GALNTL6: variants seen among roughly 807,000 people sequenced by gnomAD.
GALNTL6 encodes the protein polypeptide N-acetylgalactosaminyltransferase-like 6.
Under a neutral mutation model 73.7 loss-of-function variants are expected in GALNTL6, and 46 were observed. The observed-to-expected ratio is 0.62, with a 90% confidence interval of 0.49 to 0.80. GALNTL6 has a LOEUF of 0.80. Ranked by LOEUF, GALNTL6 falls within the 30% of genes least tolerant of loss-of-function variation. The probability of loss-of-function intolerance (pLI) is 0.00; values close to 1 mark genes in which losing one functional copy is unlikely to be tolerated. For synonymous variants in GALNTL6, 259 were observed against 263.7 expected (o/e 0.98, Z 0.17); for missense variants, 604 against 755.0 (o/e 0.80, Z 2.34).
At chr4:172,854,864 T>C (rs1484714038) in intron 7 of GALNTL6, among the ~76,000 whole-genome samples, 1 of 152,242 alleles carries the variant, frequency 6.6e-6, no homozygotes, top group African/African-American at 2.4e-5. Flanking sequence ...ATCATGTTTT[T>C]CTTTTGTACC....
chr4:172,923,346 A>ATAAGACT (rs1309640928), intron 8 of GALNTL6, among the ~76,000 whole-genome samples: 1 of 152,104 alleles, frequency 6.6e-6, no homozygotes, highest in Non-Finnish European at 1.5e-5. Flanking sequence ...GTCAGCTCTC[A>ATAAGACT]TAAGACTTAT....
intron 2 of GALNTL6, among the ~76,000 whole-genome samples, chr4:171,856,482 C>T (rs1329473403): frequency 6.6e-6 from 1 of 152,098 alleles, no homozygotes; most frequent in Non-Finnish European, 1.5e-5. Context: ...GGTGTCGTAT[C>T]TAAAAAATCA....
intron 2 of GALNTL6, among the ~76,000 whole-genome samples, chr4:171,915,738 CAAGT>C (rs1157068796): frequency 6.6e-6 from 1 of 152,050 alleles, no homozygotes; most frequent in Non-Finnish European, 1.5e-5. Context: ...AAAAAAGTAA[CAAGT>C]AAATTATTTT....
intron 5 of GALNTL6, among the ~76,000 whole-genome samples, chr4:172,660,384 G>C (rs767069968): frequency 9.2e-5 from 14 of 152,180 alleles, no homozygotes; most frequent in Non-Finnish European, 1.0e-4. Flanking sequence ...GGGGCAAAAG[G>C]CATCAACTTT....
chr4:172,299,632 G>A (rs1469522803), intron 3 of GALNTL6, among the ~76,000 whole-genome samples: 5 of 152,250 alleles, frequency 3.3e-5, no homozygotes, highest in African/African-American at 7.2e-5. Context: ...TGTACCCAGT[G>A]GTCATTCAGG....
chr4:171,883,769 T>C (rs1479810033), intron 2 of GALNTL6, among the ~76,000 whole-genome samples: 2 of 151,830 alleles, frequency 1.3e-5, no homozygotes, highest in Non-Finnish European at 2.9e-5. Flanking sequence ...TGCCTCAGCC[T>C]CCCGAGTAGC....
chr4:172,062,832 A>C (rs1212738247), intron 2 of GALNTL6, among the ~76,000 whole-genome samples: 1 of 152,186 alleles, frequency 6.6e-6, no homozygotes, highest in Non-Finnish European at 1.5e-5. Context: ...TATCAGAGAG[A>C]CTATGAGTAA....
At chr4:172,806,968 A>C (rs887222835) in intron 5 of GALNTL6, among the ~76,000 whole-genome samples, 4 of 152,352 alleles carry the variant, frequency 2.6e-5, no homozygotes, top group Middle Eastern at 3.4e-3. Context: ...TCCTGACAGC[A>C]TGTGGCCCTT....
At chr4:172,781,017 G>A (rs1739344561) in intron 5 of GALNTL6, among the ~76,000 whole-genome samples, 1 of 152,196 alleles carries the variant, frequency 6.6e-6, no homozygotes. Context: ...ACAGGTAAGA[G>A]GAGACTTGGG....
intron 4 of GALNTL6, among the ~76,000 whole-genome samples, chr4:172,314,175 T>G (rs1740463498): frequency 6.6e-6 from 1 of 152,242 alleles, no homozygotes; most frequent in East Asian, 1.9e-4. Flanking sequence ...CTGAAAGTGA[T>G]GGACCATAGC....
chr4:172,686,746 A>T (rs1211146177), intron 5 of GALNTL6, among the ~76,000 whole-genome samples: 2 of 152,200 alleles, frequency 1.3e-5, no homozygotes, highest in Non-Finnish European at 2.9e-5. Flanking sequence ...CCCTCAAGGA[A>T]TGTGTTTTTT....
chr4:172,434,181 C>T lies in GALNTL6; in HGVS notation c.553+85492C>T, dbSNP rs58413320. ...TTGTGACGAAAATATAATAATCTATCGATTATGGGATATAGATTCTAGTTT... is the reference window on the plus strand; with the variant it reads ...TTGTGACGAAAATATAATAATCTATTGATTATGGGATATAGATTCTAGTTT... On this transcript the variant is annotated intron_variant, in intron 5 of 12. Transcript: ENST00000506823. 0.013 allele frequency among the ~76,000 whole-genome samples: 2,006 copies of T among 152,084 alleles called. 149 individuals carry two copies. The East Asian group carries it at 0.23, about 17-fold the overall frequency.
At chr4:172,186,176 C>A (rs1017288668) in intron 2 of GALNTL6, among the ~76,000 whole-genome samples, 2 of 152,066 alleles carry the variant, frequency 1.3e-5, no homozygotes, top group African/African-American at 2.4e-5. Context: ...GTATGACCAA[C>A]AAGATTGTGA....
chr4:172,628,293 A>T (rs1739250151), intron 5 of GALNTL6, among the ~76,000 whole-genome samples: 1 of 152,148 alleles, frequency 6.6e-6, no homozygotes, highest in African/African-American at 2.4e-5. Context: ...GTTTATAGCA[A>T]CTGCTTCAAA....
At chr4:172,972,962 A>C (rs576236347) in intron 10 of GALNTL6, among the ~76,000 whole-genome samples, 2 of 152,312 alleles carry the variant, frequency 1.3e-5, no homozygotes, top group South Asian at 2.1e-4. Context: ...TGACTCTAGA[A>C]ATTGAGATTT....
At chr4:172,145,487 C>T (rs1400226019) in intron 2 of GALNTL6, among the ~76,000 whole-genome samples, 1 of 151,960 alleles carries the variant, frequency 6.6e-6, no homozygotes, top group Non-Finnish European at 1.5e-5. Context: ...TCAAGCAATC[C>T]ATTCACCTCG....
intron 10 of GALNTL6, among the ~76,000 whole-genome samples, chr4:172,964,397 C>A (rs115906415): frequency 0.014 from 2,067 of 152,276 alleles, 32 homozygotes; most frequent in Non-Finnish European, 0.02. Context: ...GCCATAAATT[C>A]TTTTAAGAAG....
intron 5 of GALNTL6, among the ~76,000 whole-genome samples, chr4:172,366,233 A>T (rs1367738713): frequency 6.6e-6 from 1 of 152,198 alleles, no homozygotes; most frequent in Admixed American, 6.5e-5. Flanking sequence ...TCATTAGTTA[A>T]ATCTGAATTT....
At chr4:172,482,365 G>C (rs13107068) in intron 5 of GALNTL6, among the ~76,000 whole-genome samples, 1 of 152,226 alleles carries the variant, frequency 6.6e-6, no homozygotes. Flanking sequence ...TGGCCAGAGC[G>C]GATGCCGAGC....
Sources: gnomAD v4.1 joint callset for allele counts (sites outside exome capture counted in the v4.1 genomes callset) on GRCh38, gnomAD v4.1.1 for gene constraint, MANE v1.5 for transcripts, NCBI Gene and HGNC (gene_info 2026-07-23, HGNC 2026-07-21) for gene names.